Variants in TULP2 observed in about 807,000 individuals in gnomAD.
TULP2 encodes the protein tubby-related protein 2.
In TULP2, 64 loss-of-function variants were observed where a neutral mutation model predicts 60.3. The ratio of observed to expected loss-of-function variants is 1.06; its 90% CI spans 0.87 to 1.31. The LOEUF is 1.31. Among genes scored for constraint, TULP2 ranks in the 50% most tolerant of loss-of-function variants. The probability of loss-of-function intolerance (pLI) is 0.00; values close to 1 mark genes in which losing one functional copy is unlikely to be tolerated. For synonymous variants in TULP2, 267 were observed against 265.4 expected, an observed-to-expected ratio of 1.01 and a Z score of -0.06; for missense variants, 652 against 667.0, an observed-to-expected ratio of 0.98 and a Z score of 0.25.
chr19:48,897,797 C>T lies in TULP2; in HGVS notation c.32+40G>A. On this transcript the variant is annotated intron_variant, in intron 2 of 12. Coordinates refer to ENST00000221399, the MANE Select transcript of TULP2 (RefSeq NM_003323.3). This position sits in a 1 kb window ranked among gnomAD's most constrained non-coding sequence, Gnocchi z 4.0. ...AGCCGAGTGCACGGGGTCCCCAGCC[C>T]TTTCCACCTCCACCCCTACCCATCT... 6.2e-7 allele frequency: 1 copy of T among 1,612,236 alleles called. No individual in the cohort carries two copies. Among genetic ancestry groups the T allele is most frequent in the Non-Finnish European group, 8.5e-7 (1 of 1,178,598 alleles).
chr19:48,881,884 A>G, intron 12 of TULP2, 148 bp downstream of exon 12: 1 of 1,040,328 alleles, frequency 9.6e-7, no homozygotes, highest in Middle Eastern at 3.1e-4. Context: ...GGGTGTGTAA[A>G]CTACAATTCC....
chr19:48,881,212 T>TC, intron 12 of TULP2, 86 bp from the exon 13 acceptor site: 14 of 156,108 alleles, frequency 9.0e-5, no homozygotes, highest in South Asian at 2.7e-4. Context: ...TTTTTTTTTC[T>TC]TTTTTTTTTT....
In TULP2 at chr19:48,897,303, A is replaced by G; in HGVS notation, c.84+42T>C. The G allele has an allele frequency of 6.2e-7, 1 of 1,609,482 alleles. No homozygotes were observed. Among genetic ancestry groups the G allele is most frequent in the Non-Finnish European group, 8.5e-7 (1 of 1,177,222 alleles). On this transcript the variant is annotated intron_variant, in intron 3 of 12. Transcript: ENST00000221399. This position sits in a 1 kb window ranked among gnomAD's most constrained non-coding sequence, Gnocchi z 4.0. ...TGGAGAGGCCCCTGGGGAGGCACAG[A>G]AGGCGGAAGAGTTGGAGTGGTGAGA...
rs2037296558 is a variant in TULP2, at chr19:48,897,862, G to C, written c.7C>G (p.Gln3Glu). 6.2e-7 allele frequency: 1 copy of C among 1,613,006 alleles called. No homozygotes were observed. Among genetic ancestry groups the C allele is most frequent in the Non-Finnish European group, 8.5e-7 (1 of 1,179,622 alleles). Residue 3 changes from glutamine (Q) to glutamate (E), a missense_variant, in exon 2 of 13, where the codon CAG becomes GAG. By Grantham distance (29) the Gln-to-Glu change is conservative. Transcript: ENST00000221399. The surrounding 1 kb of genome is among the most constrained non-coding windows in gnomAD (Gnocchi z 4.0). The part of the protein sequence containing the change: MS[Q>E]DNDTLMRDIL... Reference sequence around the variant, plus strand: ...TCTCTCATCAATGTGTCATTATCCTGAGACATTCTGCAGAAGCAAGAATGA... The same window carrying C: ...TCTCTCATCAATGTGTCATTATCCTCAGACATTCTGCAGAAGCAAGAATGA...
Position 48,888,096 on chromosome 19 carries a change from GC to G in TULP2, c.801del (p.Leu268TrpfsTer18), listed in dbSNP as rs1599995215. 1.2e-6 allele frequency: 2 copies of G among 1,614,200 alleles called. 1 individual carries two copies. The highest frequency in any genetic ancestry group is 2.2e-5 in the South Asian group (2 of 91,086). The stretch of plus-strand genomic sequence containing the variant: ...ACGTAGGCTTCCATGTCCTCCTCCA[GC>G]CCAGGGCAGGGGGAGCGGATTGCCA... ...ASLAIRSPCP[G>X]LEEDMEAYVL... On this transcript the variant is annotated frameshift_variant, in exon 8 of 13. Transcript: ENST00000221399. LOFTEE classifies it high-confidence loss of function.
chr19:48,897,510 G>C lies in TULP2; in HGVS notation c.33-114C>G. 5 of 1,067,528 alleles carry C rather than the reference G, an allele frequency of 4.7e-6. No homozygotes were observed. Among genetic ancestry groups the C allele is most frequent in the Non-Finnish European group, 7.0e-6 (5 of 710,994 alleles). 66.1% of individuals were successfully genotyped at this position (1,067,528 alleles called of 1,614,324 possible). A position where few individuals can be genotyped will look rare whatever the true frequency, so the allele number is the denominator to read the frequency against. On this transcript the variant is annotated intron_variant, in intron 2 of 12. Transcript: ENST00000221399. This position sits in a 1 kb window ranked among gnomAD's most constrained non-coding sequence, Gnocchi z 4.0. The stretch of plus-strand genomic sequence containing the variant: ...CAGCTTGGGTTCTGGGCACCTGTGA[G>C]GTCACAGGAGGTGCAGAACCTGAGC...
At chr19:48,881,996 CA>C (rs752862690) in intron 12 of TULP2, 35 bp downstream of exon 12, 1 of 1,614,050 alleles carries the variant, frequency 6.2e-7, no homozygotes, top group Non-Finnish European at 8.5e-7. Context: ...ACCCCCACCC[CA>C]CCTGGCCCGG....
In TULP2 at chr19:48,895,514, G is replaced by A; in HGVS notation, c.212-11C>T. ...AAGGGTTCCCAAGGCCTGGGAGAAGGTTCAGCGAGCCCATGAAAACGATCT... is the reference window on the plus strand; with the variant it reads ...AAGGGTTCCCAAGGCCTGGGAGAAGATTCAGCGAGCCCATGAAAACGATCT... On this transcript the variant is annotated splice_polypyrimidine_tract_variant and intron_variant, in intron 4 of 12. Coordinates refer to ENST00000221399, the MANE Select transcript of TULP2 (RefSeq NM_003323.3). 6.3e-7 allele frequency: 1 copy of A among 1,593,922 alleles called. No homozygotes were observed. Among genetic ancestry groups the A allele is most frequent in the Non-Finnish European group, 8.6e-7 (1 of 1,165,514 alleles).
Position 48,896,535 on chromosome 19 carries a change from G to A in TULP2, c.106C>T (p.Gln36Ter). The stretch of plus-strand genomic sequence containing the variant: ...AGGAGCTCCTGGCGCTTCTGTCGCT[G>A]CTTCTTTTCAAACAGCCGCCGCTGG... ...EQQRRLFEKK[Q>*]RQKRQELLMV... Residue 36 changes from glutamine to a stop codon, truncating the protein, a stop_gained, in exon 4 of 13, where the codon CAG becomes TAG. Transcript: ENST00000221399. LOFTEE classifies it high-confidence loss of function. 6.2e-7 allele frequency: 1 copy of A among 1,602,132 alleles called. No individual in the cohort carries two copies. The highest frequency in any genetic ancestry group is 8.5e-7 in the Non-Finnish European group (1 of 1,174,562).
chr19:48,890,753 C>T (rs930026183), intron 6 of TULP2, among the ~76,000 whole-genome samples: 4 of 152,162 alleles, frequency 2.6e-5, no homozygotes, highest in African/African-American at 9.7e-5. Flanking sequence ...ACCTCCTCCT[C>T]CTCCAGGTGC....
chr19:48,883,289 C>A lies in TULP2; in HGVS notation c.1275+465G>T, dbSNP rs190443946. On this transcript the variant is annotated intron_variant, in intron 11 of 12. Coordinates refer to ENST00000221399, the MANE Select transcript of TULP2 (RefSeq NM_003323.3). ...AACCCTCAGTTCTGGGAATTGCCCACCCCTTTCCCAGAAAATTAATGAATA... is the reference window on the plus strand; with the variant it reads ...AACCCTCAGTTCTGGGAATTGCCCAACCCTTTCCCAGAAAATTAATGAATA... Among the ~76,000 whole-genome samples the A allele has an allele frequency of 2.6e-5, 4 of 151,686 alleles. No individual in the cohort carries two copies. In the East Asian group the frequency reaches 7.7e-4, roughly 29 times the overall value.
At chr19:48,887,338 T>TTTTTTTTTTTTTC (rs1285265988) in intron 8 of TULP2, among the ~76,000 whole-genome samples, 1 of 95,254 alleles carries the variant, frequency 1.0e-5, no homozygotes, top group Non-Finnish European at 2.1e-5. Flanking sequence ...TTTTTTTTTT[T>TTTTTTTTTTTTTC]TTTTTATGCA....
Position 48,896,486 on chromosome 19 carries a change from G to A in TULP2, c.155C>T (p.Ala52Val). The change falls in exon 4 of 13, where the codon GCT becomes GTT. Residue 52 changes from alanine (A) to valine (V), a missense_variant. Transcript: ENST00000221399. ...ELLMVQANPD[A>V]SPWLWRSCLR... ...ACAAGAGCGCCAAAGCCACGGGGAA[G>A]CGTCAGGATTGGCCTGAACCATGAG... The A allele has an allele frequency of 6.2e-7, 1 of 1,611,754 alleles. No individual in the cohort carries two copies. The highest frequency in any genetic ancestry group is 1.1e-5 in the South Asian group (1 of 90,606).
At chr19:48,891,159 A>G (rs2037228850) in intron 6 of TULP2, among the ~76,000 whole-genome samples, 1 of 67,240 alleles carries the variant, frequency 1.5e-5, no homozygotes, top group South Asian at 3.8e-4. Flanking sequence ...CTAAAAATAC[A>G]AAAAAAAAAA....
chr19:48,887,244 C>G lies in TULP2; in HGVS notation c.948+706G>C, dbSNP rs192028218. Among the ~76,000 whole-genome samples, 80 of 148,034 alleles carry G rather than the reference C, an allele frequency of 5.4e-4. 1 individual carries two copies. The highest frequency in any genetic ancestry group is 2.0e-3 in the African/African-American group (79 of 40,470). Reference sequence around the variant, plus strand: ...GCCAGGCTGGTCTCGAACTCCTGACCTTGTGATCTGCACGCCTCGGCCTCC... The same window carrying G: ...GCCAGGCTGGTCTCGAACTCCTGACGTTGTGATCTGCACGCCTCGGCCTCC... On this transcript the variant is annotated intron_variant, in intron 8 of 12. Coordinates refer to ENST00000221399, the MANE Select transcript of TULP2 (RefSeq NM_003323.3).
Position 48,888,061 on chromosome 19 carries a change from T to C in TULP2, c.837A>G (p.Pro279=), listed in dbSNP as rs142527830. The part of the protein sequence containing the change: ...EEDMEAYVLR[P]ALPGTMMQCY... ...ACTGCATCATGGTGCCCGGGAGCGC[T>C]GGCCGCAGCACGTAGGCTTCCATGT... is the stretch of plus-strand genomic sequence containing the variant. The change falls in exon 8 of 13, where the codon CCA becomes CCG. Residue 279 remains proline (P), a synonymous_variant. Coordinates refer to ENST00000221399, the MANE Select transcript of TULP2 (RefSeq NM_003323.3). The C allele has an allele frequency of 1.4e-4, 229 of 1,614,188 alleles. 1 individual carries two copies. In the East Asian group the frequency reaches 1.7e-3, roughly 12 times the overall value.
In TULP2 at chr19:48,888,238, T is replaced by C; in HGVS notation, c.660A>G (p.Arg220=). The change falls in exon 8 of 13, where the codon AGA becomes AGG. Residue 220 remains arginine, a synonymous_variant. Transcript: ENST00000221399. ...FQKEEDLEKK[R]EASESTGTNS... is the part of the protein sequence containing the mutation. ...TCGTCCCTGTAGACTCAGAGGCCTC[T>C]CTCTTCTTTTCCAAGTCTTCTTCCT... The C allele has an allele frequency of 3.1e-6, 5 of 1,593,836 alleles. No homozygotes were observed. The highest frequency in any genetic ancestry group is 4.3e-6 in the Non-Finnish European group (5 of 1,165,774).
In TULP2 at chr19:48,896,335, C is replaced by A. The variant is rs2270944; in HGVS notation, c.211+95G>T. The A allele has an allele frequency of 2.1e-6, 3 of 1,460,054 alleles. No homozygotes were observed. In the African/African-American group the frequency reaches 4.3e-5, roughly 21 times the overall value. The allele number at this position is 1,460,054 out of a possible 1,614,324, so 90.4% of individuals were successfully genotyped here. A position where few individuals can be genotyped will look rare whatever the true frequency, so the allele number is the denominator to read the frequency against. The stretch of plus-strand genomic sequence containing the variant: ...GCCCCCATCCACTGCCAAGTCCCCA[C>A]CCTAAGGCTCCACCCCTTCATCCAC... On this transcript the variant is annotated intron_variant, in intron 4 of 12. Transcript: ENST00000221399.
intron 8 of TULP2, among the ~76,000 whole-genome samples, chr19:48,887,338 T>TTATTTTTTTTTTTTTTTA (rs2037189966): frequency 1.0e-5 from 1 of 95,254 alleles, no homozygotes; most frequent in Non-Finnish European, 2.1e-5. Flanking sequence ...TTTTTTTTTT[T>TTATTTTTTTTTTTTTTTA]TTTTTATGCA....
Sources: gnomAD v4.1 joint callset for allele counts (sites outside exome capture counted in the v4.1 genomes callset) on GRCh38, gnomAD v4.1.1 for gene constraint, Gnocchi (gnomAD v3.1) non-coding constraint, MANE v1.5 for transcripts, NCBI Gene and HGNC (gene_info 2026-07-23, HGNC 2026-07-21) for gene names.